The following FSCN2 variants were observed in gnomAD, a reference collection of about 807,000 sequenced individuals.
The protein encoded by FSCN2 is fascin actin-bundling protein 2, retinal.
FSCN2 carries 46 observed loss-of-function variants against 37.8 expected under a neutral mutation model. The observed-to-expected ratio is 1.22, with a 90% CI of 0.96 to 1.56. The LOEUF (loss-of-function observed/expected upper bound fraction) is 1.56. Among genes scored for constraint, FSCN2 ranks in the 40% most tolerant of loss-of-function variants. FSCN2 has a pLI of 0.00. For missense variants in FSCN2, 844 were observed against 730.4 expected, an observed-to-expected ratio of 1.16 and a Z score of -1.79; for synonymous variants, 351 against 309.4, an observed-to-expected ratio of 1.13 and a Z score of -1.41.
intron 2 of FSCN2, among the ~76,000 whole-genome samples, chr17:81,535,582 T>C (rs1335578775): frequency 9.6e-6 from 1 of 103,866 alleles, no homozygotes; most frequent in Non-Finnish European, 2.0e-5. Context: ...ACCATCCCCA[T>C]CTCTATCTCT....
At chr17:81,532,032 G>A (rs1170892171) in intron 1 of FSCN2, among the ~76,000 whole-genome samples, 1 of 131,980 alleles carries the variant, frequency 7.6e-6, no homozygotes. Flanking sequence ...GATAGTGATG[G>A]TGATGATGAT....
chr17:81,536,011 C>T (rs553218721), intron 2 of FSCN2, 135 bp from the exon 3 acceptor site: 39 of 1,085,726 alleles, frequency 3.6e-5, no homozygotes, highest in East Asian at 1.3e-4. Flanking sequence ...GGCAGGGTAG[C>T]GCCTGATGGT....
At chr17:81,532,038 ATGATGG>A (rs1227157440) in intron 1 of FSCN2, among the ~76,000 whole-genome samples, 1 of 118,226 alleles carries the variant, frequency 8.5e-6, no homozygotes, top group Admixed American at 8.4e-5. Context: ...GATGGTGATG[ATGATGG>A]TGATGATGGT....
rs1053713980 is a variant in FSCN2 at position 81,536,962 on chromosome 17, G to A, written c.1361G>A (p.Arg454His). 7.7e-6 allele frequency: 12 copies of A among 1,553,252 alleles called. No homozygotes were observed. The African/African-American group carries it at 8.5e-5, about 11-fold the overall frequency. ...GCCGAGGACTTCGTCTTCGAGTTCC[G>A]TGAGCGCGGCCGCCTGGCCATCCGC... ...ERAEDFVFEF[R>H]ERGRLAIRAR... is the part of the protein sequence containing the mutation. Residue 454 changes from arginine (R) to histidine (H), a missense_variant, in exon 5 of 5, where the codon CGT becomes CAT. Arg to His is a conservative substitution (Grantham distance 29). Transcript: ENST00000417245.
At chr17:81,520,248 G>T in the FSCN2 span, among the ~76,000 whole-genome samples, 2 of 152,248 alleles carry the variant, frequency 1.3e-5, no homozygotes, top group Non-Finnish European at 2.9e-5. Flanking sequence ...GAAGGCCTAG[G>T]GGAGGGGTGG....
chr17:81,528,649 C>G lies in FSCN2; in HGVS notation c.118C>G (p.Leu40Val). 6.2e-7 allele frequency: 1 copy of G among 1,603,728 alleles called. No homozygotes were observed. Among genetic ancestry groups the G allele is most frequent in the Non-Finnish European group, 8.5e-7 (1 of 1,175,874 alleles). The stretch of plus-strand genomic sequence containing the variant: ...CAAGGTCAATGCCTCGGCACCCAGC[C>G]TCAAGAGGAAGCAGACCTGGGTGCT... ...GFKVNASAPS[L>V]KRKQTWVLEP... is the part of the protein sequence containing the mutation. The change falls in exon 1 of 5, where the codon CTC (leucine) becomes GTC (valine). Residue 40 changes from leucine to valine, a missense_variant. Leu to Val is a conservative substitution (Grantham distance 32). Coordinates refer to ENST00000417245, the MANE Select transcript of FSCN2 (RefSeq NM_012418.4).
Position 81,536,213 on chromosome 17 carries a change from C to G in FSCN2, c.1051C>G (p.Arg351Gly). ...RRVALKASNG[R>G]YVCMKKNGQL... Reference sequence around the variant, plus strand: ...GGTAGCACTCAAAGCCAGCAACGGGCGCTACGTGTGCATGAAGAAGAATGG... The same window carrying G: ...GGTAGCACTCAAAGCCAGCAACGGGGGCTACGTGTGCATGAAGAAGAATGG... The change falls in exon 3 of 5, where the codon CGC becomes GGC. Residue 351 changes from arginine to glycine, a missense_variant. Transcript: ENST00000417245. 1 of 1,600,636 alleles carries G rather than the reference C, an allele frequency of 6.2e-7. No homozygotes were observed.
chr17:81,535,642 C>A, intron 2 of FSCN2, among the ~76,000 whole-genome samples: 1 of 129,410 alleles, frequency 7.7e-6, no homozygotes, highest in Admixed American at 7.7e-5. Flanking sequence ...ATCCCCATTA[C>A]CATCTCCACC....
At chr17:81,520,680 C>T in the FSCN2 span, among the ~76,000 whole-genome samples, 1 of 152,220 alleles carries the variant, frequency 6.6e-6, no homozygotes, top group Non-Finnish European at 1.5e-5. Context: ...GGCACTGCTG[C>T]TGATGAGAAA....
intron 1 of FSCN2, among the ~76,000 whole-genome samples, 188 bp from the exon 2 acceptor site, chr17:81,534,864 C>T (rs556971575): frequency 1.6e-4 from 25 of 151,808 alleles, no homozygotes; most frequent in Middle Eastern, 6.8e-3. Context: ...GCAGGGTCCA[C>T]AGACGGCACA....
At chr17:81,529,379 A>G (rs933310717) in intron 1 of FSCN2, 22 bp downstream of exon 1, 3 of 1,506,872 alleles carry the variant, frequency 2.0e-6, no homozygotes, top group Non-Finnish European at 8.9e-7. Flanking sequence ...ACAGGTGGCG[A>G]CCTCCTGAGG....
chr17:81,528,062 TGGGCC>T (rs372655621), upstream of FSCN2, among the ~76,000 whole-genome samples: 306 of 147,210 alleles, frequency 2.1e-3, 1 homozygote, highest in African/African-American at 7.1e-3. Flanking sequence ...CCGGAAGGGC[TGGGCC>T]GGGCCGGGCC....
At chr17:81,535,008 T>C (rs1028580808) in intron 1 of FSCN2, 44 bp from the exon 2 acceptor site, 10 of 1,465,440 alleles carry the variant, frequency 6.8e-6, no homozygotes, top group Non-Finnish European at 9.1e-6. Context: ...CCCTGCTCCC[T>C]ACCCAGGAGA....
intron 1 of FSCN2, among the ~76,000 whole-genome samples, chr17:81,531,894 ATGG>A: frequency 7.4e-6 from 1 of 134,640 alleles, no homozygotes; most frequent in Admixed American, 7.4e-5. Context: ...GATGGCGATG[ATGG>A]TGATAGTGAT....
upstream of FSCN2, chr17:81,527,230 G>A (rs573060565): frequency 6.6e-6 from 1 of 152,524 alleles, no homozygotes; most frequent in African/African-American, 2.4e-5. Flanking sequence ...GGCCACTCAG[G>A]AGATGGGCCC....
In FSCN2 at chr17:81,528,757, C is replaced by T. The variant is rs1160651832; in HGVS notation, c.226C>T (p.Arg76Cys). 11 of 1,583,558 alleles carry T rather than the reference C, an allele frequency of 6.9e-6. No individual in the cohort carries two copies. Among genetic ancestry groups the T allele is most frequent in the Middle Eastern group, 1.7e-4 (1 of 6,018 alleles). ...GRYLSAEEDG[R>C]VACEAEQPGR... ...CTACCTGTCGGCAGAAGAGGACGGG[C>T]GCGTGGCCTGTGAGGCAGAGCAGCC... is the stretch of plus-strand genomic sequence containing the variant. Residue 76 changes from arginine to cysteine, a missense_variant, in exon 1 of 5, where the codon CGC (arginine) becomes TGC (cysteine). Physicochemically the swap from Arg to Cys is radical, Grantham distance 180. Transcript: ENST00000417245.
At chr17:81,534,296 C>T (rs1020230566) in intron 1 of FSCN2, among the ~76,000 whole-genome samples, 27 of 152,174 alleles carry the variant, frequency 1.8e-4, no homozygotes, top group African/African-American at 6.3e-4. Flanking sequence ...CCACCACTCC[C>T]TCCCAGTCCC....
At chr17:81,531,452 G>A (rs1161268598) in intron 1 of FSCN2, among the ~76,000 whole-genome samples, 5 of 149,514 alleles carry the variant, frequency 3.3e-5, no homozygotes, top group African/African-American at 1.2e-4. Flanking sequence ...TGATGGTGGT[G>A]GTGATGGTGA....
intron 1 of FSCN2, among the ~76,000 whole-genome samples, chr17:81,532,693 T>C (rs989734328): frequency 1.3e-5 from 2 of 149,010 alleles, no homozygotes; most frequent in African/African-American, 5.1e-5. Context: ...GTGATGGTGA[T>C]GGCGATAGTG....
Sources: allele counts gnomAD v4.1 joint callset (sites outside exome capture counted in the v4.1 genomes callset), GRCh38; gene constraint gnomAD v4.1.1; transcripts MANE v1.5; gene names NCBI Gene and HGNC (gene_info 2026-07-23, HGNC 2026-07-21).